The following GRM7 variants were observed in gnomAD, a reference collection of about 807,000 sequenced individuals.
GRM7 encodes the protein metabotropic glutamate receptor 7.
Under a neutral mutation model 84.5 loss-of-function variants are expected in GRM7, and 35 were observed. The ratio of observed to expected loss-of-function variants is 0.41; its 90% confidence interval spans 0.32 to 0.55. The LOEUF (loss-of-function observed/expected upper bound fraction) is 0.55. GRM7 is among the 20% of genes least tolerant of loss of function. GRM7 has a pLI of 0.19. For missense variants in GRM7, 1,003 were observed against 1,194.6 expected, an observed-to-expected ratio of 0.84 and a Z score of 2.36; for synonymous variants, 487 against 455.1, an observed-to-expected ratio of 1.07 and a Z score of -0.89.
At chr3:7,261,547 A>G (rs1283400568) in intron 2 of GRM7, among the ~76,000 whole-genome samples, 1 of 152,120 alleles carries the variant, frequency 6.6e-6, no homozygotes, top group African/African-American at 2.4e-5. Context: ...TTCCTTATTC[A>G]GCTTGCCACT....
Position 6,876,879 on chromosome 3 carries a change from G to A in GRM7, c.519+14972G>A, listed in dbSNP as rs1054257441. Among the ~76,000 whole-genome samples the A allele has an allele frequency of 2.0e-5, 3 of 152,076 alleles. No homozygotes were observed. The South Asian group carries it at 6.2e-4, about 31-fold the overall frequency. On this transcript the variant is annotated intron_variant, in intron 1 of 9. Coordinates refer to ENST00000357716, the MANE Select transcript of GRM7 (RefSeq NM_000844.4). ...AGCCTTCCAAAGTGCTGAGATTACA[G>A]GCATGAGCCACCAACCCCGGCCTAC...
intron 1 of GRM7, among the ~76,000 whole-genome samples, chr3:7,105,057 A>G (rs1463064113): frequency 6.6e-6 from 1 of 151,834 alleles, no homozygotes; most frequent in African/African-American, 2.4e-5. Flanking sequence ...CTTTACTAGT[A>G]GGTACAAAAG....
At chr3:7,469,044 C>T (rs1698582217) in intron 7 of GRM7, among the ~76,000 whole-genome samples, 5 of 152,186 alleles carry the variant, frequency 3.3e-5, no homozygotes, top group Admixed American at 2.6e-4. Flanking sequence ...CCCCCAAGCA[C>T]CAAGCGTAGT....
chr3:7,437,981 G>A (rs75748417), intron 5 of GRM7, among the ~76,000 whole-genome samples: 1 of 151,972 alleles, frequency 6.6e-6, no homozygotes, highest in East Asian at 1.9e-4. Context: ...AAAAAAAAAG[G>A]TCACAGAACA....
chr3:7,019,050 C>A (rs1005093783), intron 1 of GRM7, among the ~76,000 whole-genome samples: 1 of 152,196 alleles, frequency 6.6e-6, no homozygotes, highest in Non-Finnish European at 1.5e-5. Flanking sequence ...TGAGCTGAGA[C>A]TGTGCCACTG....
intron 9 of GRM7, among the ~76,000 whole-genome samples, chr3:7,695,676 C>T (rs536197278): frequency 6.6e-6 from 1 of 152,206 alleles, no homozygotes; most frequent in South Asian, 2.1e-4. Flanking sequence ...TGTGATGTGG[C>T]CATGTTGCCT....
At chr3:7,699,646 C>T (rs1292429417) in intron 9 of GRM7, among the ~76,000 whole-genome samples, 2 of 152,002 alleles carry the variant, frequency 1.3e-5, no homozygotes, top group Non-Finnish European at 2.9e-5. Flanking sequence ...TATTTTGGCT[C>T]CTACTGGGTT....
At chr3:7,469,198 G>C (rs1395719846) in intron 7 of GRM7, among the ~76,000 whole-genome samples, 2 of 152,186 alleles carry the variant, frequency 1.3e-5, no homozygotes, top group African/African-American at 4.8e-5. Context: ...GAATGGATCA[G>C]AGGATGCAAC....
intron 1 of GRM7, among the ~76,000 whole-genome samples, chr3:6,944,421 A>G (rs1035095738): frequency 1.3e-5 from 2 of 152,076 alleles, no homozygotes; most frequent in African/African-American, 4.8e-5. Context: ...TTCTGCATCT[A>G]TGGAGATTAC....
At chr3:7,129,988 G>C (rs562623081) in intron 1 of GRM7, among the ~76,000 whole-genome samples, 2 of 152,084 alleles carry the variant, frequency 1.3e-5, no homozygotes, top group Non-Finnish European at 2.9e-5. Flanking sequence ...ATCACTACAC[G>C]ACCTAGTCAA....
intron 1 of GRM7, among the ~76,000 whole-genome samples, chr3:7,061,660 A>G (rs537793959): frequency 9.9e-5 from 15 of 151,854 alleles, no homozygotes; most frequent in African/African-American, 2.4e-5. Context: ...AGAAATAGTA[A>G]CACTTGACCT....
At chr3:7,502,896 A>G (rs1044432571) in intron 7 of GRM7, among the ~76,000 whole-genome samples, 1 of 152,204 alleles carries the variant, frequency 6.6e-6, no homozygotes, top group Non-Finnish European at 1.5e-5. Flanking sequence ...TCCATTTTAC[A>G]GATAAGAAAC....
At chr3:7,290,859 A>T (rs1358304000) in intron 2 of GRM7, among the ~76,000 whole-genome samples, 1 of 152,030 alleles carries the variant, frequency 6.6e-6, no homozygotes, top group Non-Finnish European at 1.5e-5. Flanking sequence ...AGGGGTATGG[A>T]TGTGTCAAAG....
chr3:7,608,067 CT>C (rs1482152194), intron 8 of GRM7: 5 of 368,718 alleles, frequency 1.4e-5, no homozygotes, highest in East Asian at 9.6e-5. Flanking sequence ...ATGACTCATG[CT>C]TTTTTATGGC....
intron 8 of GRM7, among the ~76,000 whole-genome samples, chr3:7,639,394 G>A (rs1009071060): frequency 6.6e-6 from 1 of 152,096 alleles, no homozygotes; most frequent in Non-Finnish European, 1.5e-5. Flanking sequence ...TCCCCAAGCT[G>A]CCCTTCTATC....
At chr3:7,024,698 G>A (rs1695913541) in intron 1 of GRM7, among the ~76,000 whole-genome samples, 1 of 152,168 alleles carries the variant, frequency 6.6e-6, no homozygotes, top group Admixed American at 6.5e-5. Flanking sequence ...CAAGAGTTGA[G>A]CCTAGAAGGG....
chr3:7,581,997 G>T (rs931369536), intron 8 of GRM7, among the ~76,000 whole-genome samples: 1 of 152,108 alleles, frequency 6.6e-6, no homozygotes, highest in Non-Finnish European at 1.5e-5. Context: ...ATGTGGCCAG[G>T]GATGGAAGTG....
intron 7 of GRM7, among the ~76,000 whole-genome samples, chr3:7,566,309 G>A (rs58928377): frequency 5.1e-4 from 78 of 152,070 alleles, no homozygotes; most frequent in African/African-American, 1.7e-3. Flanking sequence ...TTGACCCATA[G>A]GCCAGCTTGT....
At chr3:7,204,035 A>G (rs1696152386) in intron 2 of GRM7, among the ~76,000 whole-genome samples, 1 of 152,216 alleles carries the variant, frequency 6.6e-6, no homozygotes, top group Non-Finnish European at 1.5e-5. Flanking sequence ...AACATTTCAA[A>G]TATCATTTTC....
Sources: allele counts gnomAD v4.1 joint callset (sites outside exome capture counted in the v4.1 genomes callset), GRCh38; gene constraint gnomAD v4.1.1; transcripts MANE v1.5; gene names NCBI Gene and HGNC (gene_info 2026-07-23, HGNC 2026-07-21).